AK8: variants seen among roughly 807,000 people sequenced by gnomAD.
AK8 encodes the protein adenylate kinase 8, also known as ATP-AMP transphosphorylase 8.
Under a neutral mutation model 54.6 loss-of-function variants are expected in AK8, and 44 were observed. That is an observed-to-expected ratio of 0.81 (90% confidence interval 0.63 to 1.04). AK8 has a LOEUF of 1.04. AK8 is among the 50% of genes least tolerant of loss of function. The pLI is 0.00. For missense variants in AK8, 555 were observed against 613.6 expected (o/e 0.90, Z 1.01); for synonymous variants, 239 against 245.6 (o/e 0.97, Z 0.25).
At chr9:132,850,504 G>A (rs983335735) in intron 5 of AK8, among the ~76,000 whole-genome samples, 1 of 141,998 alleles carries the variant, frequency 7.0e-6, no homozygotes, top group African/African-American at 2.7e-5. Flanking sequence ...TCAAGTGATT[G>A]TCCCTGCCTC....
intron 11 of AK8, among the ~76,000 whole-genome samples, chr9:132,756,669 C>A (rs954390): frequency 6.6e-6 from 1 of 152,018 alleles, no homozygotes; most frequent in East Asian, 1.9e-4. Context: ...AGCAAGAGGG[C>A]GCTGGATTGT....
intron 11 of AK8, among the ~76,000 whole-genome samples, chr9:132,779,111 T>A (rs1002853904): frequency 8.6e-5 from 13 of 151,932 alleles, no homozygotes; most frequent in Admixed American, 5.9e-4. Context: ...AAAATATTTT[T>A]AAAATTATTT....
intron 11 of AK8, among the ~76,000 whole-genome samples, chr9:132,740,804 C>T (rs369105245): frequency 3.9e-5 from 6 of 152,308 alleles, no homozygotes; most frequent in East Asian, 1.9e-4. Flanking sequence ...AGTTGATGAA[C>T]GGTCATCTTC....
At chr9:132,814,851 G>A in intron 9 of AK8, 124 bp from the exon 10 acceptor site, 1 of 735,370 alleles carries the variant, frequency 1.4e-6, no homozygotes, top group Non-Finnish European at 2.2e-6. Flanking sequence ...AAGCATAAAA[G>A]GGTTTTTCTG....
intron 11 of AK8, among the ~76,000 whole-genome samples, chr9:132,755,987 A>C (rs1838169866): frequency 6.6e-6 from 1 of 151,970 alleles, no homozygotes; most frequent in Admixed American, 6.5e-5. Flanking sequence ...GGCTGGTCTC[A>C]AACTCCTGAC....
intron 5 of AK8, among the ~76,000 whole-genome samples, chr9:132,838,402 T>C (rs114868651): frequency 0.016 from 2,462 of 152,218 alleles, 72 homozygotes; most frequent in African/African-American, 0.057. Flanking sequence ...GAACACAAAA[T>C]AGAATTTTGC....
Position 132,859,573 on chromosome 9 carries a change from G to A in AK8, c.333+4092C>T, listed in dbSNP as rs141907971. ...ATAAGTACAGGATCAGCACCTGAGA[G>A]TGGCTCCTCAGTGGCCTTCCCCCTC... On this transcript the variant is annotated intron_variant, in intron 4 of 12. Coordinates refer to ENST00000298545, the MANE Select transcript of AK8 (RefSeq NM_152572.3). 5.4e-3 allele frequency among the ~76,000 whole-genome samples: 824 copies of A among 151,888 alleles called. 12 individuals are homozygous for A. Among genetic ancestry groups the A allele is most frequent in the African/African-American group, 0.018 (754 of 41,418 alleles).
At chr9:132,868,493 C>T (rs1843686204) in intron 2 of AK8, among the ~76,000 whole-genome samples, 1 of 152,174 alleles carries the variant, frequency 6.6e-6, no homozygotes, top group African/African-American at 2.4e-5. Context: ...CCCTTCCCAG[C>T]ACCCAGCACC....
intron 11 of AK8, among the ~76,000 whole-genome samples, chr9:132,730,566 C>A (rs1836792834): frequency 1.3e-5 from 2 of 151,978 alleles, no homozygotes; most frequent in South Asian, 4.2e-4. Flanking sequence ...ATCAGAATCC[C>A]GTCAGGAGCC....
At chr9:132,757,753 T>A (rs540980734) in intron 11 of AK8, among the ~76,000 whole-genome samples, 2 of 152,332 alleles carry the variant, frequency 1.3e-5, no homozygotes, top group African/African-American at 4.8e-5. Flanking sequence ...CTGTCATTAC[T>A]GAAATACTCT....
chr9:132,834,315 T>TA (rs1015054736), intron 5 of AK8, among the ~76,000 whole-genome samples: 17 of 152,102 alleles, frequency 1.1e-4, no homozygotes, highest in Admixed American at 7.2e-4. Context: ...TTGATGAACA[T>TA]AAAAAAATCT....
chr9:132,750,702 C>G (rs543053138), intron 11 of AK8, among the ~76,000 whole-genome samples: 1 of 152,024 alleles, frequency 6.6e-6, no homozygotes, highest in Non-Finnish European at 1.5e-5. Context: ...CGAGCTCCCC[C>G]ATGAGAGCAA....
intron 11 of AK8, among the ~76,000 whole-genome samples, chr9:132,760,629 T>C (rs1025338833): frequency 1.3e-5 from 2 of 152,176 alleles, no homozygotes; most frequent in African/African-American, 2.4e-5. Flanking sequence ...ATAGAAATGA[T>C]GATGGGGGAA....
chr9:132,870,032 C>T (rs554503918), intron 2 of AK8, among the ~76,000 whole-genome samples: 1 of 152,150 alleles, frequency 6.6e-6, no homozygotes, highest in Non-Finnish European at 1.5e-5. Context: ...GCTCAGGGCG[C>T]CCAGAGCCCA....
At chr9:132,868,184 C>T (rs917960238) in intron 2 of AK8, among the ~76,000 whole-genome samples, 2 of 152,206 alleles carry the variant, frequency 1.3e-5, no homozygotes, top group Admixed American at 1.3e-4. Flanking sequence ...AATCTCATCT[C>T]AGCAGAGGAG....
chr9:132,874,700 A>C (rs971227229), intron 2 of AK8, among the ~76,000 whole-genome samples: 5 of 152,232 alleles, frequency 3.3e-5, no homozygotes, highest in African/African-American at 9.6e-5. Flanking sequence ...GAAAAGCCCA[A>C]GAGCTTGCCT....
rs1299051757 is a variant in AK8, at chr9:132,860,907, A to G, written c.333+2758T>C. Among the ~76,000 whole-genome samples the G allele has an allele frequency of 6.6e-6, 1 of 152,182 alleles. No homozygotes were observed. Among genetic ancestry groups the G allele is most frequent in the Admixed American group, 6.5e-5 (1 of 15,280 alleles). On this transcript the variant is annotated intron_variant, in intron 4 of 12. Transcript: ENST00000298545. The surrounding 1 kb of genome is among the most constrained non-coding windows in gnomAD (Gnocchi z 4.4). ...CACACTGAATATTCAATCTCAGTAGATCTGGACTAAAACACCCATGGGGAA... is the reference window on the plus strand; with the variant it reads ...CACACTGAATATTCAATCTCAGTAGGTCTGGACTAAAACACCCATGGGGAA...
rs1415257774 is a variant in AK8, at chr9:132,790,561, C to T, written c.1121+2073G>A. ...CACTGTGCCCGGCCAACTTCTTTAA[C>T]TTCATACAAATTGTATGCACTTCAA... On this transcript the variant is annotated intron_variant, in intron 11 of 12. Coordinates refer to ENST00000298545, the MANE Select transcript of AK8 (RefSeq NM_152572.3). This position sits in a 1 kb window ranked among gnomAD's most constrained non-coding sequence, Gnocchi z 4.1. Among the ~76,000 whole-genome samples the T allele has an allele frequency of 6.6e-6, 1 of 152,140 alleles. No homozygotes were observed. Among genetic ancestry groups the T allele is most frequent in the African/African-American group, 2.4e-5 (1 of 41,428 alleles).
At chr9:132,757,689 C>A (rs1163995135) in intron 11 of AK8, among the ~76,000 whole-genome samples, 5 of 152,144 alleles carry the variant, frequency 3.3e-5, no homozygotes, top group South Asian at 2.1e-4. Flanking sequence ...CAGGCCTTTG[C>A]CCCTTCTGTT....
Sources: allele counts gnomAD v4.1 joint callset (sites outside exome capture counted in the v4.1 genomes callset), GRCh38; gene constraint gnomAD v4.1.1; non-coding constraint Gnocchi (gnomAD v3.1); transcripts MANE v1.5; gene names NCBI Gene and HGNC (gene_info 2026-07-23, HGNC 2026-07-21).